The following ZNF385B variants were observed in gnomAD, a reference collection of about 807,000 sequenced individuals.
ZNF385B encodes the protein zinc finger protein 385B.
Under a neutral mutation model 39.2 loss-of-function variants are expected in ZNF385B, and 23 were observed. The ratio of observed to expected loss-of-function variants is 0.59; its 90% CI spans 0.42 to 0.83. The LOEUF (loss-of-function observed/expected upper bound fraction) is 0.83. Ranked by LOEUF, ZNF385B falls within the 40% of genes least tolerant of loss-of-function variation. ZNF385B has a pLI of 0.00. For synonymous variants in ZNF385B, 205 were observed against 222.6 expected, an observed-to-expected ratio of 0.92 and a Z score of 0.70; for missense variants, 552 against 598.9, an observed-to-expected ratio of 0.92 and a Z score of 0.82.
intron 3 of ZNF385B, among the ~76,000 whole-genome samples, chr2:179,568,111 C>T (rs945479513): frequency 3.9e-5 from 6 of 152,306 alleles, no homozygotes; most frequent in African/African-American, 4.8e-5. Context: ...CTGAGTACTG[C>T]CTCTCTTCCC....
intron 5 of ZNF385B, among the ~76,000 whole-genome samples, chr2:179,485,470 A>G (rs1247658478): frequency 6.6e-6 from 1 of 152,058 alleles, no homozygotes; most frequent in East Asian, 1.9e-4. Flanking sequence ...ATCTTCAGAC[A>G]TCCAGCCATA....
At chr2:179,565,692 T>C (rs868274) in intron 3 of ZNF385B, among the ~76,000 whole-genome samples, 57,933 of 152,048 alleles carry the variant, frequency 0.38, 11,593 homozygotes, top group Middle Eastern at 0.44. Context: ...TTTCTCATGC[T>C]GTCATGCCTC....
At chr2:179,834,829 C>A (rs1258892014) in intron 1 of ZNF385B, among the ~76,000 whole-genome samples, 10 of 152,186 alleles carry the variant, frequency 6.6e-5, no homozygotes, top group African/African-American at 2.4e-4. Context: ...TCATAAGCCT[C>A]CTGGTATTAT....
At chr2:179,617,328 G>A (rs1689835708) in intron 3 of ZNF385B, among the ~76,000 whole-genome samples, 1 of 152,148 alleles carries the variant, frequency 6.6e-6, no homozygotes, top group Non-Finnish European at 1.5e-5. Flanking sequence ...CTGTTTTTAG[G>A]TCTGGAGCAC....
At chr2:179,744,323 T>TC (rs1379330043) in intron 3 of ZNF385B, among the ~76,000 whole-genome samples, 2 of 111,578 alleles carry the variant, frequency 1.8e-5, no homozygotes, top group African/African-American at 6.2e-5. Context: ...TTTTTTTTTT[T>TC]TTTTAAATCA....
intron 3 of ZNF385B, among the ~76,000 whole-genome samples, chr2:179,627,946 C>T (rs1373565438): frequency 6.6e-6 from 1 of 152,086 alleles, no homozygotes; most frequent in Non-Finnish European, 1.5e-5. Flanking sequence ...AAAGTAGTTA[C>T]AATAATAGAA....
At chr2:179,633,828 C>CA (rs1205038754) in intron 3 of ZNF385B, among the ~76,000 whole-genome samples, 2 of 152,082 alleles carry the variant, frequency 1.3e-5, no homozygotes, top group Non-Finnish European at 2.9e-5. Flanking sequence ...CTACAGTAAC[C>CA]AAAACAGCAT....
At chr2:179,780,983 C>CCCTA in intron 1 of ZNF385B, among the ~76,000 whole-genome samples, 2 of 152,280 alleles carry the variant, frequency 1.3e-5, no homozygotes, top group South Asian at 4.1e-4. Flanking sequence ...TAAACTGGGA[C>CCCTA]TGCCCCAGGT....
intron 3 of ZNF385B, among the ~76,000 whole-genome samples, chr2:179,744,086 C>T (rs1370032154): frequency 6.6e-6 from 1 of 152,052 alleles, no homozygotes; most frequent in Non-Finnish European, 1.5e-5. Flanking sequence ...TGGTTTTCTA[C>T]AAATGTATTG....
At chr2:179,564,337 A>G (rs1684304849) in intron 3 of ZNF385B, among the ~76,000 whole-genome samples, 1 of 152,186 alleles carries the variant, frequency 6.6e-6, no homozygotes, top group South Asian at 2.1e-4. Context: ...CAGAGAGGTG[A>G]CATTTAAATG....
chr2:179,446,410 A>C, intron 7 of ZNF385B, 115 bp downstream of exon 7: 1 of 1,398,038 alleles, frequency 7.2e-7, no homozygotes, highest in South Asian at 1.6e-5. Context: ...TGAATCAAAA[A>C]AGTAGAGAAG....
chr2:179,688,195 G>A (rs1458665547), intron 3 of ZNF385B, among the ~76,000 whole-genome samples: 1 of 152,180 alleles, frequency 6.6e-6, no homozygotes, highest in Admixed American at 6.5e-5. Flanking sequence ...AGTTAGAGGT[G>A]GGGAAGGGGC....
intron 3 of ZNF385B, among the ~76,000 whole-genome samples, chr2:179,750,028 T>C (rs1414773977): frequency 6.6e-6 from 1 of 152,166 alleles, no homozygotes; most frequent in Admixed American, 6.6e-5. Flanking sequence ...CTTAGAGTTC[T>C]GTACTTAATC....
At chr2:179,505,758 C>T (rs541604915) in intron 5 of ZNF385B, among the ~76,000 whole-genome samples, 50 of 152,110 alleles carry the variant, frequency 3.3e-4, no homozygotes, top group African/African-American at 1.1e-3. Context: ...CACTGGTATA[C>T]GGAAGGTAGG....
chr2:179,443,230 C>T lies in ZNF385B; in HGVS notation c.*20G>A. 1.2e-6 allele frequency: 2 copies of T among 1,611,974 alleles called. No homozygotes were observed. The highest frequency in any genetic ancestry group is 2.2e-4 in the Middle Eastern group (1 of 4,462). On this transcript the variant is annotated 3_prime_UTR_variant, in exon 10 of 10. Transcript: ENST00000410066. The stretch of plus-strand genomic sequence containing the variant: ...TTCTCAACTTCCTACTGGCCTCAAA[C>T]GTCTTGGGGTTTGCAGACGTTAGTA...
At chr2:179,711,446 TGAGGTCCATTC>T (rs1054020396) in intron 3 of ZNF385B, among the ~76,000 whole-genome samples, 1 of 152,210 alleles carries the variant, frequency 6.6e-6, no homozygotes, top group Admixed American at 6.5e-5. Context: ...GAAAAGAATG[TGAGGTCCATTC>T]GAGGGTATGC....
Position 179,546,079 on chromosome 2 carries a change from G to A in ZNF385B, c.299-1110C>T, listed in dbSNP as rs193127788. 1.1e-3 allele frequency among the ~76,000 whole-genome samples: 168 copies of A among 152,032 alleles called. 2 individuals are homozygous for A. The highest frequency in any genetic ancestry group is 2.6e-4 in the Non-Finnish European group (18 of 67,974). Reference sequence around the variant, plus strand: ...AGACAAGGTCTCACTCTGTCACCCAGGCTGGAGTGCAGTGGTGTGATCATG... The same window carrying A: ...AGACAAGGTCTCACTCTGTCACCCAAGCTGGAGTGCAGTGGTGTGATCATG... On this transcript the variant is annotated intron_variant, in intron 3 of 9. Coordinates refer to ENST00000410066, the MANE Select transcript of ZNF385B (RefSeq NM_152520.6).
intron 3 of ZNF385B, among the ~76,000 whole-genome samples, chr2:179,754,328 G>A (rs531429600): frequency 2.6e-5 from 4 of 152,210 alleles, no homozygotes; most frequent in South Asian, 2.1e-4. Context: ...TGCTGAATTC[G>A]GTGTGCCAGT....
At chr2:179,705,913 A>C (rs1054370921) in intron 3 of ZNF385B, among the ~76,000 whole-genome samples, 2 of 152,220 alleles carry the variant, frequency 1.3e-5, no homozygotes, top group African/African-American at 4.8e-5. Flanking sequence ...GACCACTGAA[A>C]CAGATCATGT....
Sources: allele counts gnomAD v4.1 joint callset (sites outside exome capture counted in the v4.1 genomes callset), GRCh38; gene constraint gnomAD v4.1.1; transcripts MANE v1.5; gene names NCBI Gene and HGNC (gene_info 2026-07-23, HGNC 2026-07-21).